The following ABCC5 variants were observed in gnomAD, a reference collection of about 807,000 sequenced individuals.
ABCC5 encodes the protein ATP binding cassette subfamily C member 5.
Under a neutral mutation model 160.9 loss-of-function variants are expected in ABCC5, and 61 were observed. That is an observed-to-expected ratio of 0.38 (90% CI 0.31 to 0.47). ABCC5 has a LOEUF of 0.47. ABCC5 is among the 20% of genes least tolerant of loss of function. ABCC5 has a pLI of 0.99. For missense variants in ABCC5, 1,308 were observed against 1,813.3 expected (o/e 0.72, Z 5.06); for synonymous variants, 666 against 700.6 (o/e 0.95, Z 0.78).
At chr3:183,971,978 A>G (rs778169161) in intron 10 of ABCC5, 59 bp from the exon 11 acceptor site, 1 of 1,607,752 alleles carries the variant, frequency 6.2e-7, no homozygotes, top group East Asian at 2.2e-5. Flanking sequence ...CCAGGGAGAC[A>G]AGCCTAGGGC....
chr3:183,959,355 T>C (rs1380192452), intron 17 of ABCC5, among the ~76,000 whole-genome samples: 1 of 152,170 alleles, frequency 6.6e-6, no homozygotes, highest in Non-Finnish European at 1.5e-5. Context: ...CAGATATTCT[T>C]AGAGCCAGAA....
chr3:183,985,218 T>G lies in ABCC5; in HGVS notation c.592-2211A>C, dbSNP rs1304749028. 20 of 1,238,912 alleles carry G rather than the reference T, an allele frequency of 1.6e-5. No homozygotes were observed. The Admixed American group carries it at 4.0e-4, about 24-fold the overall frequency. The allele number at this position is 1,238,912 out of a possible 1,614,324, so 76.7% of individuals were successfully genotyped here. ...AAAAGTTACAAATGTATCATTTAAA[T>G]CTAAACAAACTGGAAGAAAACTTGA... On this transcript the variant is annotated intron_variant, in intron 5 of 29. Coordinates refer to ENST00000334444, the MANE Select transcript of ABCC5 (RefSeq NM_005688.4).
Position 183,982,816 on chromosome 3 carries a change from C to T in ABCC5, c.783G>A (p.Lys261=). 3.7e-6 allele frequency: 6 copies of T among 1,614,192 alleles called. No homozygotes were observed. The highest frequency in any genetic ancestry group is 5.1e-6 in the Non-Finnish European group (6 of 1,180,038). The change falls in exon 6 of 30, where the codon AAG becomes AAA. Residue 261 remains lysine, a synonymous_variant. Transcript: ENST00000334444. This position sits in a 1 kb window ranked among gnomAD's most constrained non-coding sequence, Gnocchi z 5.2. ...CTTTAATGTTCTTTAACTTAAGGAT[C>T]TTCTTAAATGCCATGGTTAGGATGG... ...RGAILTMAFK[K]ILKLKNIKEK...
chr3:183,956,110 A>T, intron 17 of ABCC5, among the ~76,000 whole-genome samples: 1 of 143,732 alleles, frequency 7.0e-6, no homozygotes, highest in South Asian at 2.2e-4. Flanking sequence ...CATCTGTTAC[A>T]TGCAGCTCCG....
intron 27 of ABCC5, chr3:183,927,969 T>C (rs1373286786): frequency 7.4e-6 from 2 of 270,018 alleles, no homozygotes; most frequent in African/African-American, 4.6e-5. Context: ...AACAGAAGCC[T>C]CACCCTAGGC....
intron 27 of ABCC5, 140 bp from the exon 28 acceptor site, chr3:183,927,583 A>G: frequency 7.0e-7 from 1 of 1,430,514 alleles, no homozygotes; most frequent in Non-Finnish European, 9.2e-7. Context: ...ATGAAGGTGC[A>G]GGTGTACTGA....
intron 29 of ABCC5, among the ~76,000 whole-genome samples, chr3:183,924,849 T>C (rs148177124): frequency 1.9e-3 from 293 of 152,318 alleles, no homozygotes; most frequent in African/African-American, 6.6e-3. Context: ...GGCTTTGGCA[T>C]CTGGGCCATG....
At chr3:183,994,186 T>G (rs1720042235) in intron 2 of ABCC5, among the ~76,000 whole-genome samples, 1 of 151,834 alleles carries the variant, frequency 6.6e-6, no homozygotes, top group Admixed American at 6.6e-5. Context: ...AACTCCTGAC[T>G]TCAAGTGGAG....
chr3:184,011,097 T>G (rs2108927233), intron 2 of ABCC5, among the ~76,000 whole-genome samples: 1 of 152,302 alleles, frequency 6.6e-6, no homozygotes, highest in Non-Finnish European at 1.5e-5. Flanking sequence ...CGAATAGGTT[T>G]AAATCCTTAC....
chr3:183,979,623 C>T (rs1381990562), intron 8 of ABCC5, among the ~76,000 whole-genome samples: 1 of 152,140 alleles, frequency 6.6e-6, no homozygotes, highest in Non-Finnish European at 1.5e-5. Context: ...CTCTGTTGCT[C>T]AGGCTGGAGT....
chr3:183,935,034 T>C (rs1424405703), intron 26 of ABCC5, among the ~76,000 whole-genome samples: 1 of 152,154 alleles, frequency 6.6e-6, no homozygotes, highest in Non-Finnish European at 1.5e-5. Flanking sequence ...GCCAATTTTT[T>C]TTTTCAAGGT....
Position 183,925,601 on chromosome 3 carries a change from T to C in ABCC5, c.4166A>G (p.His1389Arg). Residue 1389 changes from histidine to arginine, a missense_variant, in exon 29 of 30, where the codon CAC becomes CGC. His to Arg is a conservative substitution (Grantham distance 29, BLOSUM62 0). Around this residue, in one of 3 missense-constraint regions of ABCC5, gnomAD observed 163 missense variants for 269.7 expected, o/e 0.60. Transcript: ENST00000334444. Reference protein sequence around the residue: ...CTMLTIAHRLHTVLGSDRIMV... With the variant: ...CTMLTIAHRLRTVLGSDRIMV... ...AATCCTATCGGAGCCTAGAACCGTG[T>C]GCAGGCGATGGGCAATGGTCAGCAT... 6.2e-7 allele frequency: 1 copy of C among 1,614,004 alleles called. No individual in the cohort carries two copies. The highest frequency in any genetic ancestry group is 8.5e-7 in the Non-Finnish European group (1 of 1,179,992).
At chr3:184,006,670 G>T (rs11926347) in intron 2 of ABCC5, among the ~76,000 whole-genome samples, 1 of 152,060 alleles carries the variant, frequency 6.6e-6, no homozygotes, top group East Asian at 1.9e-4. Context: ...TCTATAATGA[G>T]CCCATATTTC....
chr3:183,926,818 G>A (rs1167373229), intron 28 of ABCC5, among the ~76,000 whole-genome samples: 5 of 151,058 alleles, frequency 3.3e-5, no homozygotes, highest in Non-Finnish European at 5.9e-5. Flanking sequence ...AGGCCAAAGC[G>A]GGCAGATCAC....
rs1180446091 is a variant in ABCC5, at chr3:183,949,199, A to AGT, written c.3227+553_3227+554insAC. Among the ~76,000 whole-genome samples, 45 of 152,200 alleles carry AGT rather than the reference A, an allele frequency of 3.0e-4. No individual in the cohort carries two copies. The highest frequency in any genetic ancestry group is 1.1e-3 in the African/African-American group (44 of 41,438). The stretch of plus-strand genomic sequence containing the variant: ...TACCATAGCTTATTCAACCTGTCCT[A>AGT]TATTGAAGAACATTTTAGTTCCAAT... On this transcript the variant is annotated intron_variant, in intron 22 of 29. Transcript: ENST00000334444. This position sits in a 1 kb window ranked among gnomAD's most constrained non-coding sequence, Gnocchi z 4.2.
In ABCC5 at chr3:183,957,118, ACATCACATCGGTTACATGCG is replaced by A. The variant is rs1716117722; in HGVS notation, c.2482+2595_2482+2614del. ...ATCGGTTACATGCGGGTCCGTGTGT[ACATCACATCGGTTACATGCG>A]GGTCCGTGTGTACATCACATCGGTT... On this transcript the variant is annotated intron_variant, in intron 17 of 29. Coordinates refer to ENST00000334444, the MANE Select transcript of ABCC5 (RefSeq NM_005688.4). Among the ~76,000 whole-genome samples, 5 of 110,154 alleles carry A rather than the reference ACATCACATCGGTTACATGCG, an allele frequency of 4.5e-5. No homozygotes were observed. In the South Asian group the frequency reaches 9.4e-4, roughly 21 times the overall value. The allele number at this position is 110,154 out of a possible 152,430, so 72.3% of individuals were successfully genotyped here. A position where few individuals can be genotyped will look rare whatever the true frequency, so the allele number is the denominator to read the frequency against.
At chr3:183,979,777 G>A (rs1718545975) in intron 8 of ABCC5, among the ~76,000 whole-genome samples, 1 of 152,064 alleles carries the variant, frequency 6.6e-6, no homozygotes, top group South Asian at 2.1e-4. Flanking sequence ...GGAGGTCTCA[G>A]TACGTTGTCC....
In ABCC5 at chr3:183,982,780, C is replaced by T. The variant is rs774143502; in HGVS notation, c.819G>A (p.Leu273=). ...GCAAACACCCCTCACTCACCTCACCCAGGGATTTCTCTTTAATGTTCTTTA... is the reference window on the plus strand; with the variant it reads ...GCAAACACCCCTCACTCACCTCACCTAGGGATTTCTCTTTAATGTTCTTTA... The part of the protein sequence containing the change: ...LKLKNIKEKS[L]GELINICSND... Residue 273 remains leucine (L), a synonymous_variant, in exon 6 of 30, where the codon CTG becomes CTA. Transcript: ENST00000334444. The surrounding 1 kb of genome is among the most constrained non-coding windows in gnomAD (Gnocchi z 5.2). 7 of 1,614,080 alleles carry T rather than the reference C, an allele frequency of 4.3e-6. No homozygotes were observed. The Admixed American group carries it at 1.0e-4, about 23-fold the overall frequency.
rs1224398261 is a variant in ABCC5, at chr3:183,950,116, C to T, written c.2954G>A (p.Arg985Gln). ...GAACATCTCGGCCTGGAACGGCAGC[C>T]GCACGTCAACTGTGGAAACAAATAA... ...FSKDMDEVDV[R>Q]LPFQAEMFIQ... The change falls in exon 21 of 30, where the codon CGG becomes CAG. Residue 985 changes from arginine to glutamine, a missense_variant. Physicochemically the swap from Arg to Gln is conservative, Grantham distance 43 (BLOSUM62 1). This residue lies in a region of ABCC5 where 1,142 missense variants were observed against 1,527.1 expected (regional missense o/e 0.75). Transcript: ENST00000334444. 1.9e-6 allele frequency: 3 copies of T among 1,612,502 alleles called. No individual in the cohort carries two copies. The highest frequency in any genetic ancestry group is 2.5e-6 in the Non-Finnish European group (3 of 1,179,614).
Sources: allele counts gnomAD v4.1 joint callset (sites outside exome capture counted in the v4.1 genomes callset), GRCh38; gene constraint gnomAD v4.1.1; regional missense constraint gnomAD v4.1.1; non-coding constraint Gnocchi (gnomAD v3.1); transcripts MANE v1.5; gene names NCBI Gene and HGNC (gene_info 2026-07-23, HGNC 2026-07-21).